The following ST8SIA4 variants were observed in gnomAD, a reference collection of about 807,000 sequenced individuals.
The protein encoded by ST8SIA4 is CMP-N-acetylneuraminate-poly-alpha-2,8-sialyltransferase.
ST8SIA4 carries 15 observed loss-of-function variants against 33.9 expected under a neutral mutation model. The observed-to-expected ratio is 0.44, with a 90% confidence interval of 0.30 to 0.68. The LOEUF (loss-of-function observed/expected upper bound fraction) is 0.68. Among genes scored for constraint, ST8SIA4 ranks in the 30% least tolerant of loss-of-function variants. The pLI is 0.10. For missense variants in ST8SIA4, 321 were observed against 428.0 expected (o/e 0.75, Z 2.21); for synonymous variants, 171 against 151.2 (o/e 1.13, Z -0.96).
intron 3 of ST8SIA4, among the ~76,000 whole-genome samples, chr5:100,866,388 A>G (rs1298297014): frequency 6.6e-6 from 1 of 152,032 alleles, no homozygotes; most frequent in Non-Finnish European, 1.5e-5. Context: ...TAATTGTTTA[A>G]TTTAATGATC....
intron 4 of ST8SIA4, among the ~76,000 whole-genome samples, chr5:100,829,253 C>T (rs1751203995): frequency 6.6e-6 from 1 of 152,180 alleles, no homozygotes; most frequent in South Asian, 2.1e-4. Flanking sequence ...CTGTCTCTCT[C>T]TCCCCTCCAA....
chr5:100,842,578 T>C (rs1271316145), intron 4 of ST8SIA4, among the ~76,000 whole-genome samples: 2 of 151,876 alleles, frequency 1.3e-5, no homozygotes, highest in African/African-American at 2.4e-5. Context: ...TTATAATGAC[T>C]GTACAATTCT....
At chr5:100,902,127 G>A (rs1326917736) in intron 1 of ST8SIA4, among the ~76,000 whole-genome samples, 3 of 152,166 alleles carry the variant, frequency 2.0e-5, no homozygotes, top group Admixed American at 1.3e-4. Context: ...GCCAGCGGGT[G>A]GAAGGAAGTG....
intron 4 of ST8SIA4, among the ~76,000 whole-genome samples, chr5:100,843,449 A>G (rs1183681033): frequency 2.0e-5 from 3 of 151,880 alleles, no homozygotes; most frequent in African/African-American, 4.8e-5. Context: ...GGTTTGGAGG[A>G]TAAAAGTGGA....
chr5:100,818,090 A>T (rs1026717851), intron 4 of ST8SIA4, among the ~76,000 whole-genome samples: 2 of 152,190 alleles, frequency 1.3e-5, no homozygotes, highest in African/African-American at 4.8e-5. Flanking sequence ...ATGGGAAAGA[A>T]AGGATAAATA....
chr5:100,844,610 C>T (rs1751529887), intron 4 of ST8SIA4, among the ~76,000 whole-genome samples: 1 of 151,980 alleles, frequency 6.6e-6, no homozygotes, highest in Middle Eastern at 3.4e-3. Flanking sequence ...TTATTTTATC[C>T]ATGGAATGTG....
chr5:100,829,318 G>A (rs144055407), intron 4 of ST8SIA4, among the ~76,000 whole-genome samples: 96 of 152,238 alleles, frequency 6.3e-4, no homozygotes, highest in African/African-American at 2.3e-3. Flanking sequence ...GTCTCTCATG[G>A]ATTAGAAATT....
chr5:100,863,872 G>A (rs560334283), intron 3 of ST8SIA4, among the ~76,000 whole-genome samples: 1 of 152,154 alleles, frequency 6.6e-6, no homozygotes, highest in African/African-American at 2.4e-5. Flanking sequence ...TGGTAAGGAC[G>A]GCTCTGTCTT....
chr5:100,862,544 G>GC (rs1287976774), intron 3 of ST8SIA4, among the ~76,000 whole-genome samples: 7 of 151,150 alleles, frequency 4.6e-5, no homozygotes, highest in Admixed American at 1.3e-4. Context: ...GATTACAGGC[G>GC]CCCCCCACCA....
chr5:100,900,054 A>G (rs1215036747), intron 1 of ST8SIA4, among the ~76,000 whole-genome samples: 3 of 152,100 alleles, frequency 2.0e-5, no homozygotes, highest in Non-Finnish European at 2.9e-5. Context: ...CTGGTTTTCT[A>G]TTTTTCCATC....
intron 3 of ST8SIA4, among the ~76,000 whole-genome samples, chr5:100,863,297 G>C (rs1751987302): frequency 6.6e-6 from 1 of 152,094 alleles, no homozygotes; most frequent in African/African-American, 2.4e-5. Context: ...ATTAATAGTA[G>C]ATGCACACAC....
intron 1 of ST8SIA4, among the ~76,000 whole-genome samples, chr5:100,900,855 T>G (rs1372395891): frequency 6.6e-6 from 1 of 152,210 alleles, no homozygotes; most frequent in East Asian, 1.9e-4. Flanking sequence ...TCACTCATTC[T>G]TTCCCCCTCG....
At chr5:100,820,559 G>C (rs192356234) in intron 4 of ST8SIA4, among the ~76,000 whole-genome samples, 36 of 152,028 alleles carry the variant, frequency 2.4e-4, no homozygotes, top group Admixed American at 2.0e-3. Context: ...GTCATAAAAT[G>C]ACCCCTTACA....
intron 4 of ST8SIA4, among the ~76,000 whole-genome samples, chr5:100,854,597 A>G (rs905358226): frequency 2.6e-5 from 4 of 152,102 alleles, no homozygotes; most frequent in Non-Finnish European, 4.4e-5. Flanking sequence ...AACAAAACAA[A>G]ACAAAACAAA....
At chr5:100,875,571 C>T (rs1487452848) in intron 3 of ST8SIA4, among the ~76,000 whole-genome samples, 1 of 152,108 alleles carries the variant, frequency 6.6e-6, no homozygotes, top group Non-Finnish European at 1.5e-5. Flanking sequence ...TCTTTGGAGA[C>T]TCTGAATTGT....
chr5:100,877,131 A>G lies in ST8SIA4; in HGVS notation c.503+9212T>C, dbSNP rs1752323215. Among the ~76,000 whole-genome samples the G allele has an allele frequency of 2.6e-5, 4 of 152,204 alleles. No homozygotes were observed. In the South Asian group the frequency reaches 8.3e-4, roughly 32 times the overall value. On this transcript the variant is annotated intron_variant, in intron 3 of 4. Coordinates refer to ENST00000231461, the MANE Select transcript of ST8SIA4 (RefSeq NM_005668.6). ...TCTCCCTCTCTCTCTCAACAAATTTACTGTGTTAAATGAAAAGTGAGAAAC... is the reference window on the plus strand; with the variant it reads ...TCTCCCTCTCTCTCTCAACAAATTTGCTGTGTTAAATGAAAAGTGAGAAAC...
rs375647777 is a variant in ST8SIA4, at chr5:100,903,240, A to G, written c.-285T>C. On this transcript the variant is annotated 5_prime_UTR_variant, in exon 1 of 5. It removes an upstream start codon present in the reference 5' UTR. Transcript: ENST00000231461. ...TCTTTTCAGATGAGACACCTTGTGC[A>G]TTGGAGGTGGCGGCAGCTTCTGCAG... 11 of 405,380 alleles carry G rather than the reference A, an allele frequency of 2.7e-5. No individual in the cohort carries two copies. Among genetic ancestry groups the G allele is most frequent in the African/African-American group, 1.8e-4 (9 of 48,806 alleles). 25.1% of individuals were successfully genotyped at this position (405,380 alleles called of 1,614,324 possible). A position where few individuals can be genotyped will look rare whatever the true frequency, so the allele number is the denominator to read the frequency against.
chr5:100,856,057 G>T, intron 4 of ST8SIA4, 46 bp downstream of exon 4: 1 of 1,552,832 alleles, frequency 6.4e-7, no homozygotes, highest in Non-Finnish European at 8.8e-7. Flanking sequence ...TTAGTTATAT[G>T]TGTTCCACTG....
At chr5:100,898,036 A>G (rs943547475) in intron 1 of ST8SIA4, among the ~76,000 whole-genome samples, 14 of 152,218 alleles carry the variant, frequency 9.2e-5, no homozygotes, top group African/African-American at 3.4e-4. Context: ...GATAAGGTAT[A>G]TTTCTAATCA....
Sources: allele counts gnomAD v4.1 joint callset (sites outside exome capture counted in the v4.1 genomes callset), GRCh38; gene constraint gnomAD v4.1.1; transcripts MANE v1.5; gene names NCBI Gene and HGNC (gene_info 2026-07-23, HGNC 2026-07-21).